Variants in AGBL4 observed in about 807,000 individuals in gnomAD.
AGBL4 encodes the protein AGBL carboxypeptidase 4.
Under a neutral mutation model 66.4 loss-of-function variants are expected in AGBL4, and 58 were observed. The observed-to-expected ratio is 0.87, with a 90% CI of 0.71 to 1.09. The LOEUF is 1.09. AGBL4 is among the 50% of genes least tolerant of loss of function. AGBL4 has a pLI of 0.00. For synonymous variants in AGBL4, 234 were observed against 222.9 expected (o/e 1.05, Z -0.44); for missense variants, 579 against 631.0 (o/e 0.92, Z 0.88).
At chr1:49,842,107 G>A (rs1325809078) in intron 2 of AGBL4, 12 of 348,978 alleles carry the variant, frequency 3.4e-5, no homozygotes, top group Admixed American at 4.1e-5. Flanking sequence ...TGAAGTCCGC[G>A]CCAAGCTCCC....
At chr1:49,678,155 T>G (rs904373910) in intron 3 of AGBL4, among the ~76,000 whole-genome samples, 1 of 152,298 alleles carries the variant, frequency 6.6e-6, no homozygotes, top group East Asian at 1.9e-4. Flanking sequence ...ATAGAGCTAT[T>G]CAAATTATAT....
chr1:49,081,058 T>G (rs994824623), intron 4 of AGBL4, among the ~76,000 whole-genome samples: 12 of 152,184 alleles, frequency 7.9e-5, no homozygotes, highest in Non-Finnish European at 5.9e-5. Flanking sequence ...TTAATAGAAG[T>G]GCTGTTATAA....
intron 4 of AGBL4, among the ~76,000 whole-genome samples, chr1:49,237,512 TTATATATATA>T (rs71056690): frequency 0.011 from 24 of 2,260 alleles, no homozygotes; most frequent in East Asian, 0.045. Flanking sequence ...CAATATTACA[TTATATATATA>T]TATATATATA....
chr1:49,576,846 T>G (rs1644446610), intron 3 of AGBL4, among the ~76,000 whole-genome samples: 1 of 152,092 alleles, frequency 6.6e-6, no homozygotes, highest in Non-Finnish European at 1.5e-5. Flanking sequence ...TCTCAGGTGG[T>G]TCTGCACGAT....
chr1:49,851,973 T>G (rs77380932), intron 1 of AGBL4, among the ~76,000 whole-genome samples: 4,313 of 152,254 alleles, frequency 0.028, 174 homozygotes, highest in African/African-American at 0.098. Flanking sequence ...ATTCTATAAA[T>G]AGCATTATGA....
At chr1:49,429,109 A>G (rs1280940960) in intron 3 of AGBL4, among the ~76,000 whole-genome samples, 2 of 152,212 alleles carry the variant, frequency 1.3e-5, no homozygotes, top group African/African-American at 4.8e-5. Flanking sequence ...ATAGTGTTCT[A>G]TAGCAATTCT....
chr1:49,430,133 G>A lies in AGBL4; in HGVS notation c.283-184269C>T, dbSNP rs1416676419. Among the ~76,000 whole-genome samples, 8 of 152,044 alleles carry A rather than the reference G, an allele frequency of 5.3e-5. No homozygotes were observed. In the East Asian group the frequency reaches 1.2e-3, roughly 22 times the overall value. ...CTCCAAAAGTGCTGGGATTACAGGC[G>A]TGAGACACCATGCCCGGCCACATAT... On this transcript the variant is annotated intron_variant, in intron 3 of 13. Transcript: ENST00000371839.
At chr1:49,096,582 C>T (rs543429226) in intron 4 of AGBL4, among the ~76,000 whole-genome samples, 3 of 150,952 alleles carry the variant, frequency 2.0e-5, no homozygotes, top group South Asian at 2.1e-4. Context: ...AGCAAACTAT[C>T]GCAAGGACAA....
At chr1:49,220,472 T>G (rs1649410690) in intron 4 of AGBL4, among the ~76,000 whole-genome samples, 1 of 152,178 alleles carries the variant, frequency 6.6e-6, no homozygotes, top group African/African-American at 2.4e-5. Flanking sequence ...CTTTAAAAAT[T>G]ATAGAAAAGA....
intron 3 of AGBL4, among the ~76,000 whole-genome samples, chr1:49,290,092 A>C (rs1211354965): frequency 1.3e-5 from 2 of 152,310 alleles, no homozygotes; most frequent in African/African-American, 4.8e-5. Flanking sequence ...AAATAAAATC[A>C]TCAAATTACT....
At chr1:49,643,424 GAAC>G (rs1645823879) in intron 3 of AGBL4, among the ~76,000 whole-genome samples, 1 of 151,106 alleles carries the variant, frequency 6.6e-6, no homozygotes, top group Non-Finnish European at 1.5e-5. Context: ...ACATTTTAAA[GAAC>G]AATAGCTGAA....
At chr1:48,694,174 T>G (rs1317787250) in intron 6 of AGBL4, among the ~76,000 whole-genome samples, 2 of 151,992 alleles carry the variant, frequency 1.3e-5, no homozygotes, top group Non-Finnish European at 2.9e-5. Context: ...CTAGTCCTGG[T>G]GCACAAACGA....
intron 3 of AGBL4, among the ~76,000 whole-genome samples, chr1:49,561,981 C>G (rs557766256): frequency 1.3e-5 from 2 of 152,130 alleles, no homozygotes; most frequent in South Asian, 4.2e-4. Flanking sequence ...TGTTTCCTGA[C>G]TTTTTAATGA....
chr1:50,019,296 T>TCACA (rs1382487557), intron 1 of AGBL4, among the ~76,000 whole-genome samples: 28 of 92,786 alleles, frequency 3.0e-4, no homozygotes, highest in African/African-American at 9.6e-4. Flanking sequence ...TCTCTCTCTC[T>TCACA]CTCTCTCTCT....
At chr1:49,807,390 G>A (rs1199681888) in intron 2 of AGBL4, among the ~76,000 whole-genome samples, 2 of 152,140 alleles carry the variant, frequency 1.3e-5, no homozygotes, top group African/African-American at 2.4e-5. Context: ...TATCCTTAAG[G>A]TTTTAGACTT....
intron 3 of AGBL4, among the ~76,000 whole-genome samples, chr1:49,285,095 T>A (rs1160925197): frequency 1.3e-5 from 2 of 151,938 alleles, no homozygotes; most frequent in Non-Finnish European, 2.9e-5. Context: ...CCACACCTAT[T>A]CCAAAATTGA....
At chr1:49,226,998 G>C (rs1649962726) in intron 4 of AGBL4, among the ~76,000 whole-genome samples, 3 of 152,074 alleles carry the variant, frequency 2.0e-5, no homozygotes, top group Admixed American at 6.6e-5. Flanking sequence ...TCTGTTAGAA[G>C]AGCACTAATC....
chr1:48,871,541 G>A lies in AGBL4; in HGVS notation c.595-4311C>T, dbSNP rs375097286. ...GGGTATGCCAGCGTTGGATCAATCA[G>A]GAGTAGATATGTGGACTCCTGGCTG... On this transcript the variant is annotated intron_variant, in intron 5 of 13. Coordinates refer to ENST00000371839, the MANE Select transcript of AGBL4 (RefSeq NM_032785.4). Among the ~76,000 whole-genome samples the A allele has an allele frequency of 5.9e-5, 9 of 152,206 alleles. No homozygotes were observed. The East Asian group carries it at 1.7e-3, about 29-fold the overall frequency.
intron 3 of AGBL4, among the ~76,000 whole-genome samples, chr1:49,459,565 A>T (rs1275597089): frequency 2.0e-5 from 3 of 151,418 alleles, no homozygotes; most frequent in Non-Finnish European, 4.4e-5. Flanking sequence ...TTTCTTGGTT[A>T]ATCTTGCTAG....
Sources: allele counts gnomAD v4.1 joint callset (sites outside exome capture counted in the v4.1 genomes callset), GRCh38; gene constraint gnomAD v4.1.1; transcripts MANE v1.5; gene names NCBI Gene and HGNC (gene_info 2026-07-23, HGNC 2026-07-21).